The following NXPE2 variants were observed in gnomAD, a reference collection of about 807,000 sequenced individuals.
NXPE2 encodes the protein NXPE family member 2.
A neutral mutation model predicts 34.4 loss-of-function variants in NXPE2; 34 were observed. That is an observed-to-expected ratio of 0.99 (90% CI 0.75 to 1.31). NXPE2 has a LOEUF of 1.31. Among genes scored for constraint, NXPE2 ranks in the 40% most tolerant of loss-of-function variants. The pLI is 0.00. For missense variants in NXPE2, 649 were observed against 672.5 expected (o/e 0.97, Z 0.39); for synonymous variants, 235 against 231.3 (o/e 1.02, Z -0.15).
At chr11:114,561,129 T>A in the NXPE2 span, among the ~76,000 whole-genome samples, 2 of 152,286 alleles carry the variant, frequency 1.3e-5, no homozygotes, top group East Asian at 3.9e-4. Context: ...CCTGTGCCAA[T>A]TTGTAAGATT....
At chr11:114,803,022 C>G in the NXPE2 span, among the ~76,000 whole-genome samples, 2 of 152,234 alleles carry the variant, frequency 1.3e-5, no homozygotes, top group Non-Finnish European at 2.9e-5. Context: ...GGTGTGAGAT[C>G]AGCATCTCTC....
chr11:114,540,397 AAATT>A, the NXPE2 span, among the ~76,000 whole-genome samples: 2 of 152,246 alleles, frequency 1.3e-5, no homozygotes, highest in Admixed American at 6.5e-5. Flanking sequence ...TTGAATGAAA[AAATT>A]AAGTATGTAA....
the NXPE2 span, among the ~76,000 whole-genome samples, chr11:114,587,628 C>T: frequency 6.6e-6 from 1 of 152,198 alleles, no homozygotes; most frequent in Non-Finnish European, 1.5e-5. Context: ...TGGATGGCAC[C>T]TTAAAAGATG....
At chr11:114,752,982 G>T in the NXPE2 span, among the ~76,000 whole-genome samples, 1 of 152,160 alleles carries the variant, frequency 6.6e-6, no homozygotes, top group Non-Finnish European at 1.5e-5. Flanking sequence ...TTTGGAGATC[G>T]GGGAGATGTG....
chr11:114,522,344 A>G, the NXPE2 span: 5,674 of 1,614,064 alleles, frequency 3.5e-3, 166 homozygotes, highest in African/African-American at 0.064. Flanking sequence ...TAGCCGGTCA[A>G]TTTCCCGAGG....
the NXPE2 span, chr11:114,521,724 A>G: frequency 7.0e-6 from 3 of 429,394 alleles, no homozygotes; most frequent in African/African-American, 6.0e-5. Flanking sequence ...ATGGCTTTTA[A>G]AAAACTTTTT....
At chr11:114,625,145 A>G in the NXPE2 span, among the ~76,000 whole-genome samples, 1 of 152,244 alleles carries the variant, frequency 6.6e-6, no homozygotes, top group East Asian at 1.9e-4. Flanking sequence ...ACTGGATAAT[A>G]AGTATTGCCT....
chr11:114,486,035 T>G, the NXPE2 span, among the ~76,000 whole-genome samples: 4 of 152,254 alleles, frequency 2.6e-5, no homozygotes, highest in Non-Finnish European at 5.9e-5. Flanking sequence ...GATTGTATGA[T>G]AGTTCTATTT....
the NXPE2 span, among the ~76,000 whole-genome samples, chr11:114,804,395 A>T: frequency 6.6e-6 from 1 of 152,236 alleles, no homozygotes. Context: ...ATCTTTAAGG[A>T]ACATGAAATG....
chr11:114,590,697 T>C, the NXPE2 span, among the ~76,000 whole-genome samples: 1 of 152,104 alleles, frequency 6.6e-6, no homozygotes, highest in South Asian at 2.1e-4. Context: ...GCTCAACAAC[T>C]AGTGGGCTAC....
chr11:114,521,908 A>C, the NXPE2 span: 62 of 1,263,860 alleles, frequency 4.9e-5, 1 homozygote, highest in South Asian at 8.5e-4. Flanking sequence ...CTTACTTTAC[A>C]ATACATGTGG....
the NXPE2 span, among the ~76,000 whole-genome samples, chr11:114,604,363 A>C: frequency 1.3e-5 from 2 of 152,040 alleles, no homozygotes; most frequent in Non-Finnish European, 2.9e-5. Flanking sequence ...CCCAGTGGAC[A>C]ATAAGTGTTG....
upstream of NXPE2, among the ~76,000 whole-genome samples, chr11:114,673,714 G>T (rs1227248133): frequency 6.6e-6 from 1 of 151,796 alleles, no homozygotes; most frequent in Non-Finnish European, 1.5e-5. Context: ...CTTGGGAATT[G>T]AGTCATGCAA....
the NXPE2 span, among the ~76,000 whole-genome samples, chr11:114,539,328 T>A: frequency 1.3e-5 from 2 of 151,856 alleles, no homozygotes; most frequent in Admixed American, 6.6e-5. Context: ...GATATACCTA[T>A]TGCTAAATGA....
chr11:114,802,813 AAATACACTTTTGCTTATCTAAAGTT>A, the NXPE2 span, among the ~76,000 whole-genome samples: 1 of 152,204 alleles, frequency 6.6e-6, no homozygotes, highest in Non-Finnish European at 1.5e-5. Flanking sequence ...AAGTTTAAAT[AAATACACTTTTGCTTATCTAAAGTT>A]GAGATTGATG....
chr11:114,642,643 C>A, the NXPE2 span, among the ~76,000 whole-genome samples: 50 of 152,172 alleles, frequency 3.3e-4, 1 homozygote, highest in South Asian at 0.01. Flanking sequence ...TGTGCCACAT[C>A]TTCTTTATCC....
the NXPE2 span, chr11:114,582,858 G>C: frequency 1.9e-6 from 3 of 1,614,176 alleles, no homozygotes; most frequent in Non-Finnish European, 2.5e-6. Flanking sequence ...GTGGGTGAAA[G>C]GTCTGGGTGG....
At chr11:114,812,198 G>C in the NXPE2 span, among the ~76,000 whole-genome samples, 1 of 152,168 alleles carries the variant, frequency 6.6e-6, no homozygotes, top group African/African-American at 2.4e-5. Context: ...GTCCAGAGGT[G>C]ATCAAGTGGC....
the NXPE2 span, among the ~76,000 whole-genome samples, chr11:114,638,785 C>T: frequency 6.6e-6 from 1 of 151,916 alleles, no homozygotes. Context: ...AGCGGATTTT[C>T]GTGAACCGTG....
Sources: allele counts gnomAD v4.1 joint callset (sites outside exome capture counted in the v4.1 genomes callset), GRCh38; gene constraint gnomAD v4.1.1; transcripts MANE v1.5; gene names NCBI Gene and HGNC (gene_info 2026-07-23, HGNC 2026-07-21).